MAGI3: variants seen among roughly 807,000 people sequenced by gnomAD.
MAGI3 encodes the protein membrane-associated guanylate kinase, WW and PDZ domain-containing protein 3.
In MAGI3, 43 loss-of-function variants were observed where a neutral mutation model predicts 121.8. That is an observed-to-expected ratio of 0.35 (90% confidence interval 0.28 to 0.46). The LOEUF is 0.46. Among genes scored for constraint, MAGI3 ranks in the 20% least tolerant of loss-of-function variants. The pLI, the probability that MAGI3 is intolerant of heterozygous loss-of-function variation, is 1.00. For synonymous variants in MAGI3, 553 were observed against 639.3 expected, an observed-to-expected ratio of 0.86 and a Z score of 2.04; for missense variants, 1,547 against 1,797.3, an observed-to-expected ratio of 0.86 and a Z score of 2.52.
At chr1:113,556,566 T>C (rs1418678854) in intron 2 of MAGI3, among the ~76,000 whole-genome samples, 1 of 149,856 alleles carries the variant, frequency 6.7e-6, no homozygotes, top group African/African-American at 2.5e-5. Context: ...TTTTTTTTTT[T>C]TTTTTTTTGA....
rs186758851 is a variant in MAGI3, at chr1:113,651,542, G to C, written c.2440+336G>C. The stretch of plus-strand genomic sequence containing the variant: ...GAGTCTCACTCTGTCACCCAGGCTA[G>C]AGTGCAGTGGTATGAGCTCAGCTCA... On this transcript the variant is annotated intron_variant, in intron 14 of 20. Coordinates refer to ENST00000307546, the MANE Select transcript of MAGI3 (RefSeq NM_001142782.2). Among the ~76,000 whole-genome samples the C allele has an allele frequency of 3.6e-3, 542 of 152,238 alleles. 3 individuals are homozygous for C. The highest frequency in any genetic ancestry group is 5.6e-3 in the Non-Finnish European group (383 of 68,030).
At chr1:113,628,447 G>A (rs1333232392) in intron 9 of MAGI3, among the ~76,000 whole-genome samples, 3 of 152,048 alleles carry the variant, frequency 2.0e-5, no homozygotes, top group Non-Finnish European at 4.4e-5. Flanking sequence ...CTACCTAAGA[G>A]TATGTTACCC....
intron 1 of MAGI3, among the ~76,000 whole-genome samples, chr1:113,425,553 G>T (rs1652964423): frequency 6.6e-6 from 1 of 151,620 alleles, no homozygotes; most frequent in Non-Finnish European, 1.5e-5. Context: ...CAAAGTGCTG[G>T]GATTACAGGT....
chr1:113,649,673 A>C (rs561133457), intron 13 of MAGI3, among the ~76,000 whole-genome samples: 1 of 152,158 alleles, frequency 6.6e-6, no homozygotes, highest in Admixed American at 6.5e-5. Context: ...CTATAATCCC[A>C]TGTCCTCTTT....
At chr1:113,520,785 T>C (rs939447162) in intron 1 of MAGI3, among the ~76,000 whole-genome samples, 1 of 152,026 alleles carries the variant, frequency 6.6e-6, no homozygotes, top group Non-Finnish European at 1.5e-5. Flanking sequence ...ATCTTTTTAG[T>C]AGAGGTGGGG....
intron 1 of MAGI3, among the ~76,000 whole-genome samples, chr1:113,472,968 T>C (rs1655614261): frequency 6.6e-6 from 1 of 152,240 alleles, no homozygotes; most frequent in Non-Finnish European, 1.5e-5. Flanking sequence ...TAAACTTTTA[T>C]AGTAGAGTTG....
chr1:113,605,613 TC>T (rs1300006130), intron 6 of MAGI3, among the ~76,000 whole-genome samples: 2 of 152,102 alleles, frequency 1.3e-5, no homozygotes, highest in African/African-American at 4.8e-5. Flanking sequence ...ATTTTTTTTT[TC>T]CCCGAGACGG....
At chr1:113,605,702 C>T (rs1306519379) in intron 6 of MAGI3, among the ~76,000 whole-genome samples, 9 of 151,586 alleles carry the variant, frequency 5.9e-5, no homozygotes, top group Non-Finnish European at 1.2e-4. Flanking sequence ...TGGGTTCAAG[C>T]GATTCTTCTG....
intron 12 of MAGI3, among the ~76,000 whole-genome samples, chr1:113,647,098 G>A (rs1652891161): frequency 6.6e-6 from 1 of 152,218 alleles, no homozygotes. Flanking sequence ...CATACTGGAA[G>A]CAAAGCTTTA....
intron 1 of MAGI3, chr1:113,449,776 A>G: frequency 9.4e-7 from 1 of 1,064,578 alleles, no homozygotes; most frequent in Non-Finnish European, 1.4e-6. Flanking sequence ...GAAACTACAG[A>G]TGATAGTTTA....
chr1:113,503,166 T>C (rs1255399565), intron 1 of MAGI3, among the ~76,000 whole-genome samples: 2 of 58,706 alleles, frequency 3.4e-5, no homozygotes, highest in Non-Finnish European at 5.6e-5. Context: ...CATGTATACA[T>C]ATGTAACTAA....
intron 19 of MAGI3, among the ~76,000 whole-genome samples, chr1:113,674,882 GTGGCAT>G (rs1647779833): frequency 6.6e-6 from 1 of 152,188 alleles, no homozygotes; most frequent in South Asian, 2.1e-4. Flanking sequence ...CACAGAATAG[GTGGCAT>G]TGACAGGTGC....
intron 1 of MAGI3, among the ~76,000 whole-genome samples, chr1:113,522,084 G>A (rs564544539): frequency 3.5e-4 from 53 of 152,026 alleles, no homozygotes; most frequent in African/African-American, 1.1e-3. Flanking sequence ...ACACTAACAC[G>A]TGTATTTTTT....
chr1:113,486,990 C>G (rs1221510285), intron 1 of MAGI3, among the ~76,000 whole-genome samples: 1 of 152,202 alleles, frequency 6.6e-6, no homozygotes, highest in Non-Finnish European at 1.5e-5. Flanking sequence ...GGATTACAGG[C>G]ATCAGCCACT....
intron 19 of MAGI3, among the ~76,000 whole-genome samples, 180 bp from the exon 20 acceptor site, chr1:113,681,018 C>A (rs775396793): frequency 2.8e-4 from 42 of 152,052 alleles, no homozygotes; most frequent in Admixed American, 2.4e-3. Context: ...ATTGCCACTT[C>A]CTGTTGTTTG....
Position 113,683,435 on chromosome 1 carries a change from A to G in MAGI3, c.3867A>G (p.Pro1289=). 1 of 1,613,998 alleles carries G rather than the reference A, an allele frequency of 6.2e-7. No individual in the cohort carries two copies. Among genetic ancestry groups the G allele is most frequent in the Non-Finnish European group, 8.5e-7 (1 of 1,179,882 alleles). The change falls in exon 21 of 21, where the codon CCA becomes CCG. Residue 1289 remains proline (P), a synonymous_variant. Transcript: ENST00000307546. ...CRKSRGRSAS[P]KKQQKIEGSK... ...AAAGCAGAGGTCGGTCGGCCAGCCC[A>G]AAAAAGCAGCAAAAAATTGAAGGAA...
At chr1:113,605,367 G>A (rs949710737) in intron 6 of MAGI3, among the ~76,000 whole-genome samples, 6 of 152,246 alleles carry the variant, frequency 3.9e-5, no homozygotes, top group Admixed American at 3.9e-4. Context: ...TCAGAAACAT[G>A]TTGTAAAAGA....
chr1:113,522,281 T>A (rs534811185), intron 1 of MAGI3, among the ~76,000 whole-genome samples: 1 of 152,192 alleles, frequency 6.6e-6, no homozygotes, highest in South Asian at 2.1e-4. Context: ...ATTTTTGTAT[T>A]TTTAGTGGAG....
At chr1:113,485,941 T>C (rs1656359570) in intron 1 of MAGI3, among the ~76,000 whole-genome samples, 1 of 152,182 alleles carries the variant, frequency 6.6e-6, no homozygotes, top group African/African-American at 2.4e-5. Flanking sequence ...TACTGTGTGT[T>C]TTTGTTTGCT....
Sources: allele counts gnomAD v4.1 joint callset (sites outside exome capture counted in the v4.1 genomes callset), GRCh38; gene constraint gnomAD v4.1.1; transcripts MANE v1.5; gene names NCBI Gene and HGNC (gene_info 2026-07-23, HGNC 2026-07-21).